The following DMXL2 variants were observed in gnomAD, a reference collection of about 807,000 sequenced individuals.
DMXL2 encodes the protein Dmx like 2.
DMXL2 carries 103 observed loss-of-function variants against 331.1 expected under a neutral mutation model. The observed-to-expected ratio is 0.31, with a 90% confidence interval of 0.27 to 0.37. The LOEUF (loss-of-function observed/expected upper bound fraction) is 0.37. Ranked by LOEUF, DMXL2 falls within the 10% of genes least tolerant of loss-of-function variation. The pLI, the probability that DMXL2 is intolerant of heterozygous loss-of-function variation, is 1.00. For missense variants in DMXL2, 3,171 were observed against 3,642.9 expected, an observed-to-expected ratio of 0.87 and a Z score of 3.33; for synonymous variants, 1,281 against 1,252.1, an observed-to-expected ratio of 1.02 and a Z score of -0.49.
At chr15:51,616,263 A>G (rs1415972631) in intron 1 of DMXL2, among the ~76,000 whole-genome samples, 1 of 152,156 alleles carries the variant, frequency 6.6e-6, no homozygotes, top group Non-Finnish European at 1.5e-5. Context: ...TACATTTTTT[A>G]GGTGTTCAGG....
At chr15:51,601,419 C>T (rs1384387762) in intron 1 of DMXL2, among the ~76,000 whole-genome samples, 4 of 151,912 alleles carry the variant, frequency 2.6e-5, no homozygotes, top group Non-Finnish European at 1.5e-5. Context: ...TCTTGCACAT[C>T]TCTAATCTAC....
In DMXL2 at chr15:51,620,212, A is replaced by G. The variant is rs184505012; in HGVS notation, c.87+2247T>C. ...TTCAATCTGTTTTTCACAAAGCCCAAGAGATCATTTCTAGTTCATGGCAAA... is the reference window on the plus strand; with the variant it reads ...TTCAATCTGTTTTTCACAAAGCCCAGGAGATCATTTCTAGTTCATGGCAAA... On this transcript the variant is annotated intron_variant, in intron 1 of 43. Transcript: ENST00000560891. 3.3e-3 allele frequency among the ~76,000 whole-genome samples: 504 copies of G among 152,264 alleles called. 6 individuals are homozygous for G. The highest frequency in any genetic ancestry group is 0.012 in the African/African-American group (487 of 41,546).
At chr15:51,536,026 T>C (rs896506742) in intron 12 of DMXL2, 140 bp downstream of exon 12, 4 of 932,224 alleles carry the variant, frequency 4.3e-6, no homozygotes, top group Non-Finnish European at 6.1e-6. Flanking sequence ...GCCTGTATTC[T>C]GAATATTTAT....
At chr15:51,470,101 G>A (rs886924614) in intron 29 of DMXL2, among the ~76,000 whole-genome samples, 9 of 152,126 alleles carry the variant, frequency 5.9e-5, no homozygotes, top group African/African-American at 1.9e-4. Context: ...CGATGCTGCC[G>A]GTTCTGAGAC....
chr15:51,493,255 C>T (rs1471386441), intron 19 of DMXL2, among the ~76,000 whole-genome samples: 1 of 152,046 alleles, frequency 6.6e-6, no homozygotes, highest in African/African-American at 2.4e-5. Flanking sequence ...TACGGCAACA[C>T]AAAATGCATA....
rs2140914288 is a variant in DMXL2, at chr15:51,542,398, T to A, written c.1040A>T (p.His347Leu). The A allele has an allele frequency of 6.2e-7, 1 of 1,613,844 alleles. No homozygotes were observed. The highest frequency in any genetic ancestry group is 2.2e-5 in the East Asian group (1 of 44,842). The stretch of plus-strand genomic sequence containing the variant: ...GAGTGCATTTGCATGGTGGGAAATG[T>A]GTCTTTGAACTTCATGCATTGCTGT... The part of the protein sequence containing the change: ...DQTAMHEVQR[H>L]ISHHANALCH... The change falls in exon 9 of 44, where the codon CAC becomes CTC. Residue 347 changes from histidine to leucine, a missense_variant. By Grantham distance (99) the His-to-Leu change is moderately conservative (BLOSUM62 -3). This residue lies in a region of DMXL2 where 1,674 missense variants were observed against 1,780.2 expected (regional missense o/e 0.94). Transcript: ENST00000560891.
intron 3 of DMXL2, chr15:51,567,880 C>T (rs904995782): frequency 1.1e-4 from 17 of 152,554 alleles, no homozygotes; most frequent in African/African-American, 4.1e-4. Flanking sequence ...CCCCAGAGTT[C>T]AAGACCAGCC....
intron 42 of DMXL2, chr15:51,450,714 G>A (rs908872836): frequency 5.6e-6 from 1 of 179,756 alleles, no homozygotes; most frequent in Non-Finnish European, 1.2e-5. Flanking sequence ...TTCTTTTCAG[G>A]TAAGTAATTG....
chr15:51,499,036 A>G lies in DMXL2; in HGVS notation c.4188T>C (p.Ser1396=). Reference sequence around the variant, plus strand: ...TACTGCCACTTACACTAATAGTTCGAGAGAGATGTCGCTTAGTTCCTTCTC... The same window carrying G: ...TACTGCCACTTACACTAATAGTTCGGGAGAGATGTCGCTTAGTTCCTTCTC... The part of the protein sequence containing the change: ...DAGEGTKRHL[S]RTISVSGSTA... Residue 1396 remains serine (S), a synonymous_variant, in exon 18 of 44, where the codon TCT becomes TCC. Coordinates refer to ENST00000560891, the MANE Select transcript of DMXL2 (RefSeq NM_001378457.1). The G allele has an allele frequency of 1.9e-6, 3 of 1,613,950 alleles. No homozygotes were observed. The highest frequency in any genetic ancestry group is 2.5e-6 in the Non-Finnish European group (3 of 1,180,022).
At chr15:51,579,643 T>C (rs995249783) in intron 1 of DMXL2, among the ~76,000 whole-genome samples, 1 of 152,184 alleles carries the variant, frequency 6.6e-6, no homozygotes, top group Non-Finnish European at 1.5e-5. Context: ...GAAGTCTAAG[T>C]ACCTAGAAAC....
chr15:51,480,859 C>T lies in DMXL2; in HGVS notation c.6247G>A (p.Ala2083Thr), dbSNP rs778580507. Residue 2083 changes from alanine to threonine, a missense_variant, in exon 24 of 44, where the codon GCC becomes ACC. Physicochemically the swap from Ala to Thr is moderately conservative, Grantham distance 58. Around this residue, in one of 7 missense-constraint regions of DMXL2, gnomAD observed 197 missense variants for 196.2 expected, o/e 1.00. Transcript: ENST00000560891. ...TCATGATTACATATCTCATGCAAGG[C>T]AGCAATTTCCTTTTCAAGCCAGTTA... The part of the protein sequence containing the change: ...LYNWLEKEIA[A>T]LHEICNHESV... 71 of 1,612,928 alleles carry T rather than the reference C, an allele frequency of 4.4e-5. 2 individuals are homozygous for T. The South Asian group carries it at 7.4e-4, about 17-fold the overall frequency.
chr15:51,499,476 C>G lies in DMXL2; in HGVS notation c.3748G>C (p.Val1250Leu). 1 of 1,614,052 alleles carries G rather than the reference C, an allele frequency of 6.2e-7. No homozygotes were observed. Among genetic ancestry groups the G allele is most frequent in the Non-Finnish European group, 8.5e-7 (1 of 1,180,020 alleles). Residue 1250 changes from valine (V) to leucine (L), a missense_variant, in exon 18 of 44, where the codon GTT (valine) becomes CTT (leucine). Coordinates refer to ENST00000560891, the MANE Select transcript of DMXL2 (RefSeq NM_001378457.1). ...CCATCTCTTACCCAAGAGAGAGAAA[C>G]AGGCAGTGAAGGAGTACCATCAACA... ...SSVDGTPSLPVSLSWVRDGIL... is the reference protein window; with the variant it reads ...SSVDGTPSLPLSLSWVRDGIL...
At chr15:51,457,533 ATCT>A (rs779247962) in intron 36 of DMXL2, 67 bp from the exon 37 acceptor site, 103 of 1,559,784 alleles carry the variant, frequency 6.6e-5, no homozygotes, top group Admixed American at 8.7e-5. Flanking sequence ...CCAACTAAAA[ATCT>A]TCTTATGTAC....
chr15:51,505,487 A>G (rs2046348972), intron 16 of DMXL2, among the ~76,000 whole-genome samples: 1 of 152,236 alleles, frequency 6.6e-6, no homozygotes, highest in Non-Finnish European at 1.5e-5. Flanking sequence ...GCCCAACTCT[A>G]GAAATTACTA....
At chr15:51,457,524 C>A in intron 36 of DMXL2, 58 bp from the exon 37 acceptor site, 1 of 1,584,718 alleles carries the variant, frequency 6.3e-7, no homozygotes, top group Non-Finnish European at 8.6e-7. Context: ...ACACAAATTC[C>A]AACTAAAAAT....
chr15:51,528,451 A>G (rs868626648), intron 13 of DMXL2, among the ~76,000 whole-genome samples: 5 of 152,272 alleles, frequency 3.3e-5, no homozygotes, highest in Admixed American at 1.3e-4. Flanking sequence ...AGATATACTG[A>G]TATCAGTATC....
rs1404173308 is a variant in DMXL2 at position 51,474,471 on chromosome 15, G to C, written c.7086C>G (p.Ala2362=). 1 of 1,614,122 alleles carries C rather than the reference G, an allele frequency of 6.2e-7. No homozygotes were observed. The highest frequency in any genetic ancestry group is 8.5e-7 in the Non-Finnish European group (1 of 1,179,994). The part of the protein sequence containing the change: ...VYLSLLIHAL[A]TNSSSELFRL... ...GAAATAATTCACTGGAGGAATTTGT[G>C]GCAAGAGCATGTATCAATAAACTTA... Residue 2362 remains alanine (A), a synonymous_variant, in exon 28 of 44, where the codon GCC becomes GCG. Coordinates refer to ENST00000560891, the MANE Select transcript of DMXL2 (RefSeq NM_001378457.1).
chr15:51,502,074 C>CA (rs1163600169), intron 17 of DMXL2, among the ~76,000 whole-genome samples: 2 of 148,236 alleles, frequency 1.3e-5, no homozygotes, highest in African/African-American at 2.5e-5. Flanking sequence ...ACTAAAAATA[C>CA]AAAAAAAATT....
intron 28 of DMXL2, among the ~76,000 whole-genome samples, chr15:51,472,628 G>C (rs1295899541): frequency 6.6e-6 from 1 of 152,132 alleles, no homozygotes; most frequent in Non-Finnish European, 1.5e-5. Context: ...GACAATATGA[G>C]ACTTTTTGTG....
Sources: allele counts gnomAD v4.1 joint callset (sites outside exome capture counted in the v4.1 genomes callset), GRCh38; gene constraint gnomAD v4.1.1; regional missense constraint gnomAD v4.1.1; transcripts MANE v1.5; gene names NCBI Gene and HGNC (gene_info 2026-07-23, HGNC 2026-07-21).